Variants in KIAA1549 observed in about 807,000 individuals in gnomAD.
The protein encoded by KIAA1549 is UPF0606 protein KIAA1549.
KIAA1549 carries 70 observed loss-of-function variants against 156.4 expected under a neutral mutation model. The observed-to-expected ratio is 0.45, with a 90% CI of 0.37 to 0.55. The LOEUF (loss-of-function observed/expected upper bound fraction) is 0.55. Ranked by LOEUF, KIAA1549 falls within the 20% of genes least tolerant of loss-of-function variation. The pLI, the probability that KIAA1549 is intolerant of heterozygous loss-of-function variation, is 0.00. For missense variants in KIAA1549, 2,428 were observed against 2,540.9 expected (o/e 0.96, Z 0.96); for synonymous variants, 1,103 against 1,066.4 (o/e 1.03, Z -0.67).
chr7:138,906,854 AAG>A (rs774866100), intron 6 of KIAA1549, 63 bp downstream of exon 6: 71 of 1,228,840 alleles, frequency 5.8e-5, no homozygotes, highest in Non-Finnish European at 6.6e-5. Flanking sequence ...AAATTTTAAG[AAG>A]AGGTCTTCCA....
intron 7 of KIAA1549, among the ~76,000 whole-genome samples, chr7:138,904,165 A>C (rs780753154): frequency 2.6e-5 from 4 of 152,214 alleles, no homozygotes; most frequent in Non-Finnish European, 5.9e-5. Flanking sequence ...GGACTCACAA[A>C]CTAACTTGAA....
At chr7:138,926,420 G>A (rs1328248300) in intron 1 of KIAA1549, among the ~76,000 whole-genome samples, 1 of 152,102 alleles carries the variant, frequency 6.6e-6, no homozygotes, top group East Asian at 1.9e-4. Context: ...GAGCAGCTGG[G>A]ATTCCAGGCG....
intron 1 of KIAA1549, among the ~76,000 whole-genome samples, chr7:138,971,301 C>T (rs537721129): frequency 2.0e-5 from 3 of 152,274 alleles, no homozygotes; most frequent in Admixed American, 6.5e-5. Context: ...GATCTGCTCG[C>T]CTCCCACCCT....
chr7:138,954,466 C>T (rs192513210), intron 1 of KIAA1549, among the ~76,000 whole-genome samples: 28 of 152,184 alleles, frequency 1.8e-4, no homozygotes, highest in Non-Finnish European at 3.5e-4. Context: ...TTTTATCTAA[C>T]AAGCTGGCAT....
chr7:138,856,846 G>A (rs561981527), intron 16 of KIAA1549, among the ~76,000 whole-genome samples: 86 of 152,304 alleles, frequency 5.6e-4, no homozygotes, highest in African/African-American at 1.9e-3. Context: ...GTGTCTGTGA[G>A]GGTGTTTCCA....
At chr7:138,944,608 T>C (rs1297151199) in intron 1 of KIAA1549, among the ~76,000 whole-genome samples, 1 of 151,914 alleles carries the variant, frequency 6.6e-6, no homozygotes, top group Admixed American at 6.6e-5. Context: ...GAACGCAGCA[T>C]TATTCACAAA....
intron 12 of KIAA1549, among the ~76,000 whole-genome samples, chr7:138,873,718 T>C (rs1247384473): frequency 6.6e-6 from 1 of 151,518 alleles, no homozygotes; most frequent in Non-Finnish European, 1.5e-5. Flanking sequence ...CCTCCCACTG[T>C]AGTCACGGCC....
Position 138,869,631 on chromosome 7 carries a change from C to T in KIAA1549, c.4682G>A (p.Arg1561Gln), listed in dbSNP as rs964618322. The T allele has an allele frequency of 2.5e-6, 4 of 1,609,814 alleles. No homozygotes were observed. The highest frequency in any genetic ancestry group is 3.4e-6 in the Non-Finnish European group (4 of 1,178,964). Reference sequence around the variant, plus strand: ...CTGTGCCCTGCGGTACACCCGGTGTCGCTCCTTAGTGTCGCCCGAGGACAG... The same window carrying T: ...CTGTGCCCTGCGGTACACCCGGTGTTGCTCCTTAGTGTCGCCCGAGGACAG... ...DDLSSGDTKE[R>Q]HRVYRRAQMQ... Residue 1561 changes from arginine (R) to glutamine (Q), a missense_variant, in exon 14 of 20, where the codon CGA (arginine) becomes CAA (glutamine). By Grantham distance (43) the Arg-to-Gln change is conservative (BLOSUM62 1). Coordinates refer to ENST00000422774, the MANE Select transcript of KIAA1549 (RefSeq NM_001164665.2).
At chr7:138,976,687 A>C (rs1263990145) in intron 1 of KIAA1549, among the ~76,000 whole-genome samples, 2 of 152,240 alleles carry the variant, frequency 1.3e-5, no homozygotes, top group African/African-American at 4.8e-5. Flanking sequence ...TCAGGCATCC[A>C]CTGGGGGTCT....
chr7:138,898,952 T>C lies in KIAA1549; in HGVS notation c.3847+3A>G. 6.2e-7 allele frequency: 1 copy of C among 1,613,740 alleles called. No individual in the cohort carries two copies. On this transcript the variant is annotated splice_donor_region_variant and intron_variant, in intron 9 of 19. Coordinates refer to ENST00000422774, the MANE Select transcript of KIAA1549 (RefSeq NM_001164665.2). Reference sequence around the variant, plus strand: ...CACAGACGACAACACCTCAGGCACTTACGCTGGGCAATGACACCTTGAATT... The same window carrying C: ...CACAGACGACAACACCTCAGGCACTCACGCTGGGCAATGACACCTTGAATT...
intron 15 of KIAA1549, among the ~76,000 whole-genome samples, chr7:138,866,951 C>CA (rs1810761063): frequency 6.6e-6 from 1 of 151,822 alleles, no homozygotes; most frequent in Non-Finnish European, 1.5e-5. Context: ...TACAGGCATG[C>CA]ACCACCACGC....
At chr7:138,920,155 CGCCTGG>C in intron 1 of KIAA1549, among the ~76,000 whole-genome samples, 1 of 120,432 alleles carries the variant, frequency 8.3e-6, no homozygotes, top group African/African-American at 3.2e-5. Flanking sequence ...TTCTCACCCC[CGCCTGG>C]AATGCCCTTC....
chr7:138,879,608 G>A lies in KIAA1549; in HGVS notation c.4275C>T (p.Ser1425=), dbSNP rs752751300. The A allele has an allele frequency of 2.4e-5, 37 of 1,564,354 alleles. No homozygotes were observed. The highest frequency in any genetic ancestry group is 5.6e-5 in the Admixed American group (3 of 53,186). Residue 1425 remains serine, a synonymous_variant, in exon 12 of 20, where the codon AGC becomes AGT. Coordinates refer to ENST00000422774, the MANE Select transcript of KIAA1549 (RefSeq NM_001164665.2). ...DADSTVSEES[S]ERDAGDKTPG... is the part of the protein sequence containing the mutation. The stretch of plus-strand genomic sequence containing the variant: ...GCGTCTTATCTCCTGCGTCCCTCTC[G>A]CTGGACTCTTCACTGACCGTAGAGT...
intron 1 of KIAA1549, among the ~76,000 whole-genome samples, chr7:138,955,270 C>T (rs1028905274): frequency 6.6e-6 from 1 of 152,146 alleles, no homozygotes; most frequent in Non-Finnish European, 1.5e-5. Context: ...AATAAACAAA[C>T]GGTGGCACAT....
chr7:138,927,943 CAG>C (rs1283618495), intron 1 of KIAA1549, among the ~76,000 whole-genome samples: 2 of 143,312 alleles, frequency 1.4e-5, no homozygotes, highest in African/African-American at 2.6e-5. Context: ...TTTTTTGAGA[CAG>C]AGTCTTGCTC....
In KIAA1549 at chr7:138,833,175, G is replaced by A. The variant is rs1343934991; in HGVS notation, c.*4731C>T. ...TGACCACGGTGAAAACTCCACTTGA[G>A]CTAAAGTTAGCGTGGGAGTTAAGAC... On this transcript the variant is annotated 3_prime_UTR_variant, in exon 20 of 20. Coordinates refer to ENST00000422774, the MANE Select transcript of KIAA1549 (RefSeq NM_001164665.2). 4.3e-6 allele frequency: 1 copy of A among 232,500 alleles called. No individual in the cohort carries two copies. Among genetic ancestry groups the A allele is most frequent in the Non-Finnish European group, 8.5e-6 (1 of 117,628 alleles). The allele number at this position is 232,500 out of a possible 1,614,324, so 14.4% of individuals were successfully genotyped here.
At chr7:138,900,937 T>C (rs954607704) in intron 8 of KIAA1549, among the ~76,000 whole-genome samples, 31 of 152,348 alleles carry the variant, frequency 2.0e-4, no homozygotes, top group African/African-American at 6.7e-4. Flanking sequence ...CAGGTATTCC[T>C]TTACGGCAAC....
At chr7:138,959,321 T>G (rs915200646) in intron 1 of KIAA1549, among the ~76,000 whole-genome samples, 5 of 152,154 alleles carry the variant, frequency 3.3e-5, no homozygotes, top group African/African-American at 1.2e-4. Flanking sequence ...CTAGGGAAAG[T>G]CCCATTTATC....
chr7:138,939,557 T>TAA (rs1189817979), intron 1 of KIAA1549, among the ~76,000 whole-genome samples: 1 of 152,242 alleles, frequency 6.6e-6, no homozygotes, highest in East Asian at 1.9e-4. Context: ...AAATTTCTTA[T>TAA]AAACTGGTAG....
Sources: allele counts gnomAD v4.1 joint callset (sites outside exome capture counted in the v4.1 genomes callset), GRCh38; gene constraint gnomAD v4.1.1; transcripts MANE v1.5; gene names NCBI Gene and HGNC (gene_info 2026-07-23, HGNC 2026-07-21).